The following TENT5A variants were observed in gnomAD, a reference collection of about 807,000 sequenced individuals.
TENT5A encodes the protein terminal nucleotidyltransferase 5A, also known as HBV X-transactivated gene 11 protein.
In TENT5A, 9 loss-of-function variants were observed where a neutral mutation model predicts 30.2. The observed-to-expected ratio is 0.30, with a 90% confidence interval of 0.18 to 0.52. The LOEUF (loss-of-function observed/expected upper bound fraction) is 0.52. TENT5A is among the 20% of genes least tolerant of loss of function. The pLI is 0.97. For synonymous variants in TENT5A, 264 were observed against 234.2 expected, an observed-to-expected ratio of 1.13 and a Z score of -1.16; for missense variants, 411 against 566.1, an observed-to-expected ratio of 0.73 and a Z score of 2.78.
chr6:81,749,524 C>A lies in TENT5A; in HGVS notation c.*171G>T, dbSNP rs1768982414. ...GGATCCTTTCGAGATCATGCTCCCA[C>A]ATCTATTAAAAGATACATAAGCTTT... is the stretch of plus-strand genomic sequence containing the variant. On this transcript the variant is annotated 3_prime_UTR_variant, in exon 3 of 3. Transcript: ENST00000320172. 8.8e-6 allele frequency: 12 copies of A among 1,368,464 alleles called. No homozygotes were observed. The highest frequency in any genetic ancestry group is 1.1e-5 in the Non-Finnish European group (12 of 1,065,458). The allele number at this position is 1,368,464 out of a possible 1,614,324, so 84.8% of individuals were successfully genotyped here. A position where few individuals can be genotyped will look rare whatever the true frequency, so the allele number is the denominator to read the frequency against.
At position 81,750,533 on chromosome 6, in the gene TENT5A, T is replaced by C. The variant is rs142431093; in HGVS notation, c.553-62A>G. The C allele has an allele frequency of 1.3e-3, 1,328 of 1,016,562 alleles. 13 individuals carry two copies. In the East Asian group the frequency reaches 0.032, roughly 24 times the overall value. The allele number at this position is 1,016,562 out of a possible 1,614,324, so 63.0% of individuals were successfully genotyped here. On this transcript the variant is annotated intron_variant, in intron 2 of 2. Transcript: ENST00000320172. This position sits in a 1 kb window ranked among gnomAD's most constrained non-coding sequence, Gnocchi z 4.2. Reference sequence around the variant, plus strand: ...AGAAAATAATAAATCAATAAATAAATACATCCTCTTCACAGCTGAGAATTA... The same window carrying C: ...AGAAAATAATAAATCAATAAATAAACACATCCTCTTCACAGCTGAGAATTA...
Position 81,752,068 on chromosome 6 carries a change from C to CCGCCGCCGAAGTCGT in TENT5A, c.73_74insACGACTTCGGCGGCG (p.Gly24_Gly25insAspAspPheGlyGly), listed in dbSNP as rs1464340672. 1.2e-5 allele frequency: 19 copies of CCGCCGCCGAAGTCGT among 1,571,092 alleles called. No individual in the cohort carries two copies. The African/African-American group carries it at 1.4e-4, about 11-fold the overall frequency. ...GCCGAAGTCGCCGCCGCCGAAGTCG[C>CCGCCGCCGAAGTCGT]CGCCTAGGGGGATGTAGGGGCTGCA... On this transcript the variant is annotated inframe_insertion, in exon 2 of 3. Coordinates refer to ENST00000320172, the MANE Select transcript of TENT5A (RefSeq NM_017633.3).
Position 81,746,359 on chromosome 6 carries a change from A to T in TENT5A, c.*3336T>A, listed in dbSNP as rs1768884541. ...TTGAAAACAACTTTATGCACAGTGAAGCAACCAACAATAAGCAAACAGAAA... is the reference window on the plus strand; with the variant it reads ...TTGAAAACAACTTTATGCACAGTGATGCAACCAACAATAAGCAAACAGAAA... On this transcript the variant is annotated 3_prime_UTR_variant, in exon 3 of 3. Transcript: ENST00000320172. 8.1e-7 allele frequency: 1 copy of T among 1,227,058 alleles called. No individual in the cohort carries two copies. Among genetic ancestry groups the T allele is most frequent in the African/African-American group, 1.6e-5 (1 of 64,430 alleles). The allele number at this position is 1,227,058 out of a possible 1,614,324, so 76.0% of individuals were successfully genotyped here. A position where few individuals can be genotyped will look rare whatever the true frequency, so the allele number is the denominator to read the frequency against.
Position 81,747,592 on chromosome 6 carries a change from C to T in TENT5A, c.*2103G>A, listed in dbSNP as rs1238265483. The T allele has an allele frequency of 1.0e-5, 10 of 985,454 alleles. No homozygotes were observed. The highest frequency in any genetic ancestry group is 1.1e-5 in the Non-Finnish European group (9 of 829,836). 61.0% of individuals were successfully genotyped at this position (985,454 alleles called of 1,614,324 possible). On this transcript the variant is annotated 3_prime_UTR_variant, in exon 3 of 3. Coordinates refer to ENST00000320172, the MANE Select transcript of TENT5A (RefSeq NM_017633.3). ...GAGGATCCCTAGATAAACAAACAAA[C>T]AAATTATACTGCCAACAGGAGGATA...
In TENT5A at chr6:81,747,431, G is replaced by T; in HGVS notation, c.*2264C>A. 1 of 985,784 alleles carries T rather than the reference G, an allele frequency of 1.0e-6. No individual in the cohort carries two copies. Among genetic ancestry groups the T allele is most frequent in the Non-Finnish European group, 1.2e-6 (1 of 829,916 alleles). The allele number at this position is 985,784 out of a possible 1,614,324, so 61.1% of individuals were successfully genotyped here. A position where few individuals can be genotyped will look rare whatever the true frequency, so the allele number is the denominator to read the frequency against. On this transcript the variant is annotated 3_prime_UTR_variant, in exon 3 of 3. Coordinates refer to ENST00000320172, the MANE Select transcript of TENT5A (RefSeq NM_017633.3). ...TTAGAAAACTGAGTGGCAGTGCAGC[G>T]GCTGTTGCAGCTCTGACAGAATTCA...
rs1408998538 is a variant in TENT5A, at chr6:81,749,968, A to G, written c.1056T>C (p.Tyr352=). The G allele has an allele frequency of 6.2e-7, 1 of 1,614,162 alleles. No homozygotes were observed. The highest frequency in any genetic ancestry group is 1.7e-5 in the Admixed American group (1 of 60,018). Residue 352 remains tyrosine (Y), a synonymous_variant, in exon 3 of 3, where the codon TAT becomes TAC. Coordinates refer to ENST00000320172, the MANE Select transcript of TENT5A (RefSeq NM_017633.3). ...CTCCATGAAGGGTCATGAGATACTC[A>G]TACTTGCGGTCTTCCAATCCCACAA... The part of the protein sequence containing the change: ...NHFVGLEDRK[Y]EYLMTLHGVV...
At position 81,746,133 on chromosome 6, in the gene TENT5A, T is replaced by C; in HGVS notation, c.*3562A>G. 4 of 983,652 alleles carry C rather than the reference T, an allele frequency of 4.1e-6. No individual in the cohort carries two copies. The highest frequency in any genetic ancestry group is 4.8e-6 in the Non-Finnish European group (4 of 826,178). 60.9% of individuals were successfully genotyped at this position (983,652 alleles called of 1,614,324 possible). A position where few individuals can be genotyped will look rare whatever the true frequency, so the allele number is the denominator to read the frequency against. On this transcript the variant is annotated 3_prime_UTR_variant, in exon 3 of 3. Transcript: ENST00000320172. ...AGAGATTCTTTCTTAGCACTGAAAA[T>C]GCTATGCTAAAAGAAATTTTAAAGA...
Position 81,746,030 on chromosome 6 carries a change from C to T in TENT5A, c.*3665G>A, listed in dbSNP as rs1160180969. On this transcript the variant is annotated 3_prime_UTR_variant, in exon 3 of 3. Coordinates refer to ENST00000320172, the MANE Select transcript of TENT5A (RefSeq NM_017633.3). ...TTCTGCAAGGCTTTGCAGCAAGTCT[C>T]GTTAACTTGACATCTTCCAACTTTG... is the stretch of plus-strand genomic sequence containing the variant. 3 of 985,540 alleles carry T rather than the reference C, an allele frequency of 3.0e-6. No homozygotes were observed. The highest frequency in any genetic ancestry group is 2.3e-4 in the East Asian group (2 of 8,818). 61.0% of individuals were successfully genotyped at this position (985,540 alleles called of 1,614,324 possible). A position where few individuals can be genotyped will look rare whatever the true frequency, so the allele number is the denominator to read the frequency against.
In TENT5A at chr6:81,752,101, T is replaced by C; in HGVS notation, c.41A>G (p.Glu14Gly). Residue 14 changes from glutamate (E) to glycine (G), a missense_variant, in exon 2 of 3, where the codon GAG becomes GGG. Glu to Gly is a moderately conservative substitution (Grantham distance 98). Coordinates refer to ENST00000320172, the MANE Select transcript of TENT5A (RefSeq NM_017633.3). Reference sequence around the variant, plus strand: ...GGGGATGTAGGGGCTGCAGGCCAGCTCGTCCTCAGACATGGCGAAGTACCC... The same window carrying C: ...GGGGATGTAGGGGCTGCAGGCCAGCCCGTCCTCAGACATGGCGAAGTACCC... ...GEGYFAMSED[E>G]LACSPYIPLG... is the part of the protein sequence containing the mutation. 1 of 1,496,792 alleles carries C rather than the reference T, an allele frequency of 6.7e-7. No individual in the cohort carries two copies. Among genetic ancestry groups the C allele is most frequent in the Admixed American group, 2.0e-5 (1 of 49,486 alleles). 92.7% of individuals were successfully genotyped at this position (1,496,792 alleles called of 1,614,324 possible).
Position 81,750,371 on chromosome 6 carries a change from A to C in TENT5A, c.653T>G (p.Phe218Cys). 1.2e-6 allele frequency: 2 copies of C among 1,613,712 alleles called. No homozygotes were observed. Among genetic ancestry groups the C allele is most frequent in the Non-Finnish European group, 1.7e-6 (2 of 1,179,898 alleles). Residue 218 changes from phenylalanine to cysteine, a missense_variant, in exon 3 of 3, where the codon TTT becomes TGT. Physicochemically the swap from Phe to Cys is radical, Grantham distance 205 (BLOSUM62 -2). Coordinates refer to ENST00000320172, the MANE Select transcript of TENT5A (RefSeq NM_017633.3). This position sits in a 1 kb window ranked among gnomAD's most constrained non-coding sequence, Gnocchi z 4.2. ...AAACTGCCTCCGGAGGGAATCCACA[A>C]ATTTCAGTTCCACATTTTTGCCACT... The part of the protein sequence containing the change: ...NNSGKNVELK[F>C]VDSLRRQFEF...
At position 81,751,974 on chromosome 6, in the gene TENT5A, G is replaced by A. The variant is rs372608236; in HGVS notation, c.168C>T (p.Cys56=). Residue 56 remains cysteine, a synonymous_variant, in exon 2 of 3, where the codon TGC becomes TGT. Coordinates refer to ENST00000320172, the MANE Select transcript of TENT5A (RefSeq NM_017633.3). ...GSFGGHCLDY[C]ESPTAHCNVL... ...CATTGCAGTGCGCCGTAGGGCTTTC[G>A]CAATAGTCCAAGCAATGCCCACCGA... 9 of 1,612,528 alleles carry A rather than the reference G, an allele frequency of 5.6e-6. No homozygotes were observed. The highest frequency in any genetic ancestry group is 7.6e-6 in the Non-Finnish European group (9 of 1,179,866).
Position 81,751,806 on chromosome 6 carries a change from G to A in TENT5A, c.336C>T (p.Arg112=). 1 of 1,612,738 alleles carries A rather than the reference G, an allele frequency of 6.2e-7. No homozygotes were observed. Among genetic ancestry groups the A allele is most frequent in the Non-Finnish European group, 8.5e-7 (1 of 1,179,836 alleles). ...TGAGGCGCACGTCGCGGACGCCAAT[G>A]CGCTTCTCGGCCAGGCGCCGCCGCA... is the stretch of plus-strand genomic sequence containing the variant. ...KVVRRRLAEK[R]IGVRDVRLNG... is the part of the protein sequence containing the mutation. The change falls in exon 2 of 3, where the codon CGC becomes CGT. Residue 112 remains arginine, a synonymous_variant. Transcript: ENST00000320172.
In TENT5A at chr6:81,745,897, T is replaced by C; in HGVS notation, c.*3798A>G. ...GTGACGCAGCCTATAGTCAAAATAT[T>C]CCAAAAGAGTGACCCAAGGTGCAGC... On this transcript the variant is annotated 3_prime_UTR_variant, in exon 3 of 3. Coordinates refer to ENST00000320172, the MANE Select transcript of TENT5A (RefSeq NM_017633.3). The C allele has an allele frequency of 1.0e-6, 1 of 985,834 alleles. No homozygotes were observed. 61.1% of individuals were successfully genotyped at this position (985,834 alleles called of 1,614,324 possible).
Position 81,748,325 on chromosome 6 carries a change from A to G in TENT5A, c.*1370T>C. 4 of 984,318 alleles carry G rather than the reference A, an allele frequency of 4.1e-6. No individual in the cohort carries two copies. The highest frequency in any genetic ancestry group is 4.8e-6 in the Non-Finnish European group (4 of 829,306). The allele number at this position is 984,318 out of a possible 1,614,324, so 61.0% of individuals were successfully genotyped here. A position where few individuals can be genotyped will look rare whatever the true frequency, so the allele number is the denominator to read the frequency against. On this transcript the variant is annotated 3_prime_UTR_variant, in exon 3 of 3. Transcript: ENST00000320172. ...AACTGTCAAAATGGCAGTTCAATAT[A>G]AAAAAGAGTGCTCTGCCAAACAAAT...
chr6:81,746,843 T>C lies in TENT5A; in HGVS notation c.*2852A>G, dbSNP rs1467982723. 4.4e-6 allele frequency: 5 copies of C among 1,142,162 alleles called. No individual in the cohort carries two copies. The highest frequency in any genetic ancestry group is 8.5e-5 in the East Asian group (2 of 23,552). 70.8% of individuals were successfully genotyped at this position (1,142,162 alleles called of 1,614,324 possible). On this transcript the variant is annotated 3_prime_UTR_variant, in exon 3 of 3. Transcript: ENST00000320172. ...CCGCACATCCACAAAGAGAGACATATATTTCACTGTGTGTTCAACTACATA... is the reference window on the plus strand; with the variant it reads ...CCGCACATCCACAAAGAGAGACATACATTTCACTGTGTGTTCAACTACATA...
Position 81,746,187 on chromosome 6 carries a change from T to G in TENT5A, c.*3508A>C, listed in dbSNP as rs1768881615. The G allele has an allele frequency of 6.8e-5, 71 of 1,045,472 alleles. No individual in the cohort carries two copies. The highest frequency in any genetic ancestry group is 8.1e-5 in the Non-Finnish European group (70 of 868,790). 64.8% of individuals were successfully genotyped at this position (1,045,472 alleles called of 1,614,324 possible). On this transcript the variant is annotated 3_prime_UTR_variant, in exon 3 of 3. Transcript: ENST00000320172. ...ATTATATTCAAATAGATGCTATATA[T>G]GAAATTACTTTTTTTGGCTTTTTGG...
chr6:81,747,069 G>C lies in TENT5A; in HGVS notation c.*2626C>G, dbSNP rs546920322. 6 of 982,872 alleles carry C rather than the reference G, an allele frequency of 6.1e-6. No individual in the cohort carries two copies. The highest frequency in any genetic ancestry group is 3.5e-5 in the African/African-American group (2 of 57,144). The allele number at this position is 982,872 out of a possible 1,614,324, so 60.9% of individuals were successfully genotyped here. A position where few individuals can be genotyped will look rare whatever the true frequency, so the allele number is the denominator to read the frequency against. On this transcript the variant is annotated 3_prime_UTR_variant, in exon 3 of 3. Coordinates refer to ENST00000320172, the MANE Select transcript of TENT5A (RefSeq NM_017633.3). ...TAAATCAAAGTGTATTTCAAATAAG[G>C]CTCTTCCAAACAAAAATCTGTGTTA... is the stretch of plus-strand genomic sequence containing the variant.
Position 81,749,688 on chromosome 6 carries a change from A to T in TENT5A, c.*7T>A. 1 of 1,602,460 alleles carries T rather than the reference A, an allele frequency of 6.2e-7. No homozygotes were observed. The highest frequency in any genetic ancestry group is 8.5e-7 in the Non-Finnish European group (1 of 1,172,916). The stretch of plus-strand genomic sequence containing the variant: ...TGGCTTCCCCACAGGACATTTTTAA[A>T]TGATTCTTAATTGCAGGGTAGCCAA... On this transcript the variant is annotated 3_prime_UTR_variant, in exon 3 of 3. Coordinates refer to ENST00000320172, the MANE Select transcript of TENT5A (RefSeq NM_017633.3).
At chr6:81,751,448 A>G (rs1484215401) in intron 2 of TENT5A, 142 bp downstream of exon 2, 1 of 761,556 alleles carries the variant, frequency 1.3e-6, no homozygotes, top group East Asian at 2.7e-5. Flanking sequence ...TGGTTTAAAA[A>G]ATCAAAAATC....
Sources: gnomAD v4.1 joint callset for allele counts on GRCh38, gnomAD v4.1.1 for gene constraint, Gnocchi (gnomAD v3.1) non-coding constraint, MANE v1.5 for transcripts, NCBI Gene and HGNC (gene_info 2026-07-23, HGNC 2026-07-21) for gene names.